Variants in PCDHA8 observed in about 807,000 individuals in gnomAD.
PCDHA8 encodes protocadherin alpha 8, also known as protocadherin alpha-8.
Under a neutral mutation model 61.8 loss-of-function variants are expected in PCDHA8, and 53 were observed. The ratio of observed to expected loss-of-function variants is 0.86; its 90% CI spans 0.69 to 1.08. The LOEUF is 1.08. PCDHA8 is among the 50% of genes least tolerant of loss of function. The pLI, the probability that PCDHA8 is intolerant of heterozygous loss-of-function variation, is 0.00. For synonymous variants in PCDHA8, 618 were observed against 556.6 expected, an observed-to-expected ratio of 1.11 and a Z score of -1.55; for missense variants, 1,293 against 1,245.0, an observed-to-expected ratio of 1.04 and a Z score of -0.58.
rs782444555 is a variant in PCDHA8, at chr5:140,883,708, G to C, written c.2394+39993G>C. 1.2e-6 allele frequency: 2 copies of C among 1,613,664 alleles called. No homozygotes were observed. The highest frequency in any genetic ancestry group is 1.7e-6 in the Non-Finnish European group (2 of 1,179,838). On this transcript the variant is annotated intron_variant, in intron 1 of 3. Coordinates refer to ENST00000531613, the MANE Select transcript of PCDHA8 (RefSeq NM_018911.3). ...GCCACATCTTCACGGTGTCTGCTCA[G>C]GACGCGGACGCACAGGAGAACGCGC...
chr5:140,928,852 G>T, intron 1 of PCDHA8: 1 of 1,614,172 alleles, frequency 6.2e-7, no homozygotes, highest in Non-Finnish European at 8.5e-7. Flanking sequence ...CACTCTGGGT[G>T]TGCTGTTGAG....
At chr5:140,959,999 A>G (rs564390780) in intron 1 of PCDHA8, among the ~76,000 whole-genome samples, 2 of 152,318 alleles carry the variant, frequency 1.3e-5, no homozygotes, top group African/African-American at 4.8e-5. Flanking sequence ...ATGAAATACA[A>G]ATCTATTTTG....
intron 1 of PCDHA8, among the ~76,000 whole-genome samples, chr5:140,931,298 AAG>A (rs2087432571): frequency 6.6e-6 from 1 of 152,144 alleles, no homozygotes; most frequent in African/African-American, 2.4e-5. Context: ...CTGTAACAAA[AAG>A]AGAGGAGAAT....
In PCDHA8 at chr5:140,843,436, C is replaced by T; in HGVS notation, c.2115C>T (p.Cys705=). Residue 705 remains cysteine (C), a synonymous_variant, in exon 1 of 4, where the codon TGC becomes TGT. Coordinates refer to ENST00000531613, the MANE Select transcript of PCDHA8 (RefSeq NM_018911.3). ...ACGTGTACCTGATCATCGCCATCTG[C>T]GCGGTATCCAGCCTGCTGGTGCTCA... ...DVNVYLIIAI[C]AVSSLLVLTL... is the part of the protein sequence containing the mutation. 2.5e-6 allele frequency: 4 copies of T among 1,596,080 alleles called. 1 individual carries two copies. The highest frequency in any genetic ancestry group is 3.4e-6 in the Non-Finnish European group (4 of 1,165,610).
chr5:140,915,626 GTC>G (rs57920489), intron 1 of PCDHA8, among the ~76,000 whole-genome samples: 12,146 of 145,794 alleles, frequency 0.083, 491 homozygotes, highest in Middle Eastern at 0.12. Context: ...GTCTCTTTCT[GTC>G]TCTCTCTCTC....
At chr5:140,844,817 G>C (rs1468939378) in intron 1 of PCDHA8, among the ~76,000 whole-genome samples, 1 of 148,814 alleles carries the variant, frequency 6.7e-6, no homozygotes. Flanking sequence ...ATTTCTTCTT[G>C]TCTTTTTACA....
chr5:140,869,445 G>T, intron 1 of PCDHA8: 2 of 1,614,232 alleles, frequency 1.2e-6, no homozygotes, highest in Non-Finnish European at 1.7e-6. Flanking sequence ...ACAGGCCGCT[G>T]CAGGTTTTCC....
intron 1 of PCDHA8, among the ~76,000 whole-genome samples, chr5:140,962,524 G>T (rs1410879766): frequency 6.6e-6 from 1 of 152,012 alleles, no homozygotes; most frequent in Non-Finnish European, 1.5e-5. Flanking sequence ...TAATATATTA[G>T]TTTTTTAGAA....
chr5:140,901,857 G>A (rs782415424), intron 1 of PCDHA8, among the ~76,000 whole-genome samples: 4 of 151,902 alleles, frequency 2.6e-5, no homozygotes, highest in African/African-American at 4.8e-5. Flanking sequence ...CCATTTTTTT[G>A]TGTCCTCTTC....
chr5:140,924,945 A>T (rs200246310), intron 1 of PCDHA8, among the ~76,000 whole-genome samples: 4 of 64,382 alleles, frequency 6.2e-5, no homozygotes, highest in African/African-American at 1.9e-4. Context: ...ATAAAAAGTT[A>T]AAAAAAAAAT....
intron 1 of PCDHA8, chr5:140,875,968 T>C (rs1554168125): frequency 2.5e-6 from 4 of 1,614,024 alleles, no homozygotes; most frequent in Non-Finnish European, 3.4e-6. Flanking sequence ...CGGCGTAAAC[T>C]CTCTTTTGAC....
At chr5:140,871,202 T>C in intron 1 of PCDHA8, 1 of 1,613,730 alleles carries the variant, frequency 6.2e-7, no homozygotes, top group Non-Finnish European at 8.5e-7. Context: ...GTGTACCTGA[T>C]CATCGCCATC....
chr5:140,916,721 T>G (rs2077698319), intron 1 of PCDHA8, among the ~76,000 whole-genome samples: 1 of 152,186 alleles, frequency 6.6e-6, no homozygotes, highest in Non-Finnish European at 1.5e-5. Context: ...AAGGAGTGAC[T>G]TTTGTTGCTG....
chr5:140,927,758 A>G (rs781942462), intron 1 of PCDHA8: 1 of 1,614,170 alleles, frequency 6.2e-7, no homozygotes, highest in Non-Finnish European at 8.5e-7. Flanking sequence ...GTGCACCCTA[A>G]AAGTGGGGAG....
chr5:140,959,578 A>G (rs1554224156), intron 1 of PCDHA8, among the ~76,000 whole-genome samples: 1 of 152,188 alleles, frequency 6.6e-6, no homozygotes, highest in Non-Finnish European at 1.5e-5. Flanking sequence ...TTTTGTTTCA[A>G]TTCTATCAGC....
chr5:140,941,211 CTTCCTTTCTTTCTTT>C (rs1563185551), intron 1 of PCDHA8, among the ~76,000 whole-genome samples: 1,583 of 129,706 alleles, frequency 0.012, 22 homozygotes, highest in African/African-American at 0.029. Flanking sequence ...TCCTTTCTTT[CTTCCTTTCTTTCTTT>C]CTTTCTTTCT....
Position 140,855,858 on chromosome 5 carries a change from G to A in PCDHA8, c.2394+12143G>A, listed in dbSNP as rs1203638572. 5 of 715,820 alleles carry A rather than the reference G, an allele frequency of 7.0e-6. 1 individual carries two copies. Among genetic ancestry groups the A allele is most frequent in the Non-Finnish European group, 1.1e-5 (5 of 445,056 alleles). The allele number at this position is 715,820 out of a possible 1,614,324, so 44.3% of individuals were successfully genotyped here. A position where few individuals can be genotyped will look rare whatever the true frequency, so the allele number is the denominator to read the frequency against. On this transcript the variant is annotated intron_variant, in intron 1 of 3. Coordinates refer to ENST00000531613, the MANE Select transcript of PCDHA8 (RefSeq NM_018911.3). ...CTTACACCTAAAGCCACCGGATGTC[G>A]CTGTCGTCCACAAAATAGCTTTTTA...
intron 1 of PCDHA8, chr5:140,862,540 G>A: frequency 4.5e-6 from 2 of 444,274 alleles, no homozygotes; most frequent in South Asian, 3.5e-5. Flanking sequence ...TCGGGTCCGT[G>A]GAAGTGGCCG....
At chr5:140,883,876 C>A in intron 1 of PCDHA8, 1 of 1,613,214 alleles carries the variant, frequency 6.2e-7, no homozygotes, top group Non-Finnish European at 8.5e-7. Flanking sequence ...TCCAGGTGAG[C>A]GCGCGCGACT....
Sources: allele counts gnomAD v4.1 joint callset (sites outside exome capture counted in the v4.1 genomes callset), GRCh38; gene constraint gnomAD v4.1.1; transcripts MANE v1.5; gene names NCBI Gene and HGNC (gene_info 2026-07-23, HGNC 2026-07-21).